Variants in LRRIQ1 observed in about 807,000 individuals in gnomAD.
The protein encoded by LRRIQ1 is leucine rich repeats and IQ motif containing 1, also known as leucine-rich repeat- and IQ domain-containing protein 1.
LRRIQ1 carries 210 observed loss-of-function variants against 211.9 expected under a neutral mutation model. The ratio of observed to expected loss-of-function variants is 0.99; its 90% CI spans 0.89 to 1.11. LRRIQ1 has a LOEUF of 1.11. Among genes scored for constraint, LRRIQ1 ranks in the 50% most tolerant of loss-of-function variants. The pLI, the probability that LRRIQ1 is intolerant of heterozygous loss-of-function variation, is 0.00. For missense variants in LRRIQ1, 2,136 were observed against 1,939.5 expected, an observed-to-expected ratio of 1.10 and a Z score of -1.90; for synonymous variants, 699 against 650.1, an observed-to-expected ratio of 1.08 and a Z score of -1.14.
intron 19 of LRRIQ1, among the ~76,000 whole-genome samples, chr12:85,149,911 T>G (rs911540488): frequency 6.6e-6 from 1 of 151,806 alleles, no homozygotes; most frequent in Non-Finnish European, 1.5e-5. Context: ...TTTCTGTACT[T>G]TTAAATATTA....
chr12:85,055,516 GCTGA>G lies in LRRIQ1; in HGVS notation c.754-28_754-25del, dbSNP rs1271904417. 3 of 1,398,706 alleles carry G rather than the reference GCTGA, an allele frequency of 2.1e-6. No homozygotes were observed. In the African/African-American group the frequency reaches 4.4e-5, roughly 21 times the overall value. 86.6% of individuals were successfully genotyped at this position (1,398,706 alleles called of 1,614,324 possible). A position where few individuals can be genotyped will look rare whatever the true frequency, so the allele number is the denominator to read the frequency against. The stretch of plus-strand genomic sequence containing the variant: ...TAGTAACATCTCATGTTTAGTTTAT[GCTGA>G]CTACCATGTATCTTACTTTGTTTTA... On this transcript the variant is annotated intron_variant, in intron 7 of 26. Transcript: ENST00000393217.
chr12:85,133,699 T>C (rs1282990439), intron 18 of LRRIQ1, among the ~76,000 whole-genome samples: 2 of 152,124 alleles, frequency 1.3e-5, no homozygotes, highest in African/African-American at 4.8e-5. Context: ...AGTAGAGTTA[T>C]GAGGAACTAG....
intron 8 of LRRIQ1, among the ~76,000 whole-genome samples, chr12:85,057,591 G>A (rs1313845942): frequency 1.3e-5 from 2 of 152,012 alleles, no homozygotes; most frequent in African/African-American, 2.4e-5. Flanking sequence ...TGGATTTTAT[G>A]TCCATGACCA....
At chr12:85,214,292 TA>T (rs1245384810) in intron 24 of LRRIQ1, among the ~76,000 whole-genome samples, 12 of 152,068 alleles carry the variant, frequency 7.9e-5, no homozygotes, top group African/African-American at 2.4e-4. Flanking sequence ...CTTTCCAAAT[TA>T]ACTTATGACT....
intron 24 of LRRIQ1, among the ~76,000 whole-genome samples, chr12:85,191,106 T>G (rs996636170): frequency 2.0e-5 from 3 of 151,946 alleles, no homozygotes; most frequent in African/African-American, 7.2e-5. Context: ...ACTCCGCAAA[T>G]GTACAGTCTC....
intron 23 of LRRIQ1, among the ~76,000 whole-genome samples, chr12:85,156,968 C>T (rs1453980845): frequency 1.3e-5 from 2 of 151,804 alleles, no homozygotes; most frequent in African/African-American, 4.8e-5. Flanking sequence ...CCACAGAAAA[C>T]CTTAGAGCGC....
chr12:85,158,602 T>C (rs1890688668), intron 23 of LRRIQ1, among the ~76,000 whole-genome samples: 1 of 151,994 alleles, frequency 6.6e-6, no homozygotes. Context: ...AATAAACTGT[T>C]AAGTATAGAG....
chr12:85,234,724 C>T (rs1230609487), intron 26 of LRRIQ1, among the ~76,000 whole-genome samples: 2 of 152,124 alleles, frequency 1.3e-5, no homozygotes, highest in African/African-American at 2.4e-5. Flanking sequence ...ACCACTGCAA[C>T]TGTTACTAGT....
At chr12:85,228,175 A>G (rs1184279336) in intron 24 of LRRIQ1, among the ~76,000 whole-genome samples, 1 of 152,378 alleles carries the variant, frequency 6.6e-6, no homozygotes, top group East Asian at 1.9e-4. Context: ...GACCAATGGG[A>G]TCTAATTAAA....
At chr12:85,151,709 C>T (rs1890256656) in intron 19 of LRRIQ1, among the ~76,000 whole-genome samples, 1 of 151,318 alleles carries the variant, frequency 6.6e-6, no homozygotes, top group African/African-American at 2.4e-5. Context: ...CAAATTTGGG[C>T]TTAAATTTAT....
At chr12:85,063,710 C>G (rs1206388812) in intron 8 of LRRIQ1, among the ~76,000 whole-genome samples, 3 of 151,648 alleles carry the variant, frequency 2.0e-5, no homozygotes, top group African/African-American at 7.3e-5. Flanking sequence ...ATTCCAGCCT[C>G]TGGTAACCAT....
intron 26 of LRRIQ1, among the ~76,000 whole-genome samples, chr12:85,240,500 G>A (rs1431001607): frequency 1.3e-5 from 2 of 152,000 alleles, no homozygotes; most frequent in African/African-American, 4.8e-5. Flanking sequence ...CTTCCTTTGA[G>A]CATTTTTCCT....
intron 24 of LRRIQ1, among the ~76,000 whole-genome samples, chr12:85,220,040 A>G (rs1361855615): frequency 2.0e-5 from 3 of 152,194 alleles, no homozygotes; most frequent in African/African-American, 7.2e-5. Flanking sequence ...ATAAACACAT[A>G]CAGACCACTT....
intron 11 of LRRIQ1, among the ~76,000 whole-genome samples, chr12:85,091,882 A>G (rs1338339080): frequency 6.6e-6 from 1 of 152,206 alleles, no homozygotes; most frequent in Non-Finnish European, 1.5e-5. Flanking sequence ...GTAGCGGTCC[A>G]TGGCCTGTTA....
chr12:85,264,995 G>C (rs1192861314), downstream of LRRIQ1, among the ~76,000 whole-genome samples: 1 of 151,984 alleles, frequency 6.6e-6, no homozygotes, highest in Non-Finnish European at 1.5e-5. Context: ...GCTAGGTAGG[G>C]GGTGTTTGGA....
chr12:85,167,154 C>G (rs769009278), intron 24 of LRRIQ1, among the ~76,000 whole-genome samples: 1 of 152,150 alleles, frequency 6.6e-6, no homozygotes, highest in Non-Finnish European at 1.5e-5. Context: ...TTATCTCAGG[C>G]ATTTAATTTT....
intron 26 of LRRIQ1, among the ~76,000 whole-genome samples, chr12:85,235,241 G>A (rs1895122465): frequency 6.6e-6 from 1 of 152,130 alleles, no homozygotes; most frequent in Non-Finnish European, 1.5e-5. Flanking sequence ...CAAATATATA[G>A]ACAATTTTAT....
chr12:85,266,323 A>G (rs968039563), downstream of LRRIQ1, among the ~76,000 whole-genome samples: 12 of 152,130 alleles, frequency 7.9e-5, no homozygotes, highest in African/African-American at 2.4e-4. Flanking sequence ...TCATAAATCC[A>G]GTTTTAATCT....
chr12:85,251,531 C>T (rs1044871573), intron 1 of LRRIQ1, among the ~76,000 whole-genome samples: 3 of 151,936 alleles, frequency 2.0e-5, no homozygotes, highest in Admixed American at 6.6e-5. Flanking sequence ...CTTGTTGGCT[C>T]TTTCCTAGCT....
Sources: allele counts gnomAD v4.1 joint callset (sites outside exome capture counted in the v4.1 genomes callset), GRCh38; gene constraint gnomAD v4.1.1; transcripts MANE v1.5; gene names NCBI Gene and HGNC (gene_info 2026-07-23, HGNC 2026-07-21).